NRK: variants seen among roughly 807,000 people sequenced by gnomAD.
NRK encodes nik-related protein kinase.
Under a neutral mutation model 125.2 loss-of-function variants are expected in NRK, and 67 were observed. That is an observed-to-expected ratio of 0.54 (90% CI 0.44 to 0.66). NRK has a LOEUF of 0.66. NRK is among the 30% of genes least tolerant of loss of function. The pLI, the probability that NRK is intolerant of heterozygous loss-of-function variation, is 0.00. For missense variants in NRK, 1,224 were observed against 1,192.9 expected, an observed-to-expected ratio of 1.03 and a Z score of -0.38; for synonymous variants, 458 against 429.0, an observed-to-expected ratio of 1.07 and a Z score of -0.84.
chrX:105,882,085 A>C (rs930460794), intron 4 of NRK, among the ~76,000 whole-genome samples: 2 of 110,875 alleles, frequency 1.8e-5, no homozygotes, highest in African/African-American at 3.3e-5. Context: ...AATAGCAACA[A>C]AAAAGGAGGT....
chrX:105,940,338 T>C (rs1245643673), intron 23 of NRK, among the ~76,000 whole-genome samples: 3 of 110,789 alleles, frequency 2.7e-5, no homozygotes, highest in Non-Finnish European at 5.7e-5. Flanking sequence ...CTTACTTTCT[T>C]TCCCAGTCAC....
chrX:105,828,835 C>T (rs2039149334), intron 1 of NRK, among the ~76,000 whole-genome samples: 1 of 111,747 alleles, frequency 8.9e-6, no homozygotes, highest in Admixed American at 9.5e-5. Context: ...TCTATTTTTA[C>T]TTCTTAGATC....
intron 9 of NRK, among the ~76,000 whole-genome samples, chrX:105,900,967 G>C (rs2040149432): frequency 9.0e-6 from 1 of 110,703 alleles, no homozygotes; most frequent in South Asian, 3.9e-4. Context: ...AGTAGTATTT[G>C]GTCCTGACAG....
intron 20 of NRK, among the ~76,000 whole-genome samples, chrX:105,934,823 T>A (rs893329256): frequency 1.8e-5 from 2 of 112,190 alleles, no homozygotes; most frequent in Non-Finnish European, 3.8e-5. Flanking sequence ...TTTGTTTTTT[T>A]ATTTTGAAAT....
chrX:105,847,871 A>C (rs1320774612), intron 2 of NRK, among the ~76,000 whole-genome samples: 1 of 111,776 alleles, frequency 8.9e-6, no homozygotes, highest in Non-Finnish European at 1.9e-5. Flanking sequence ...GAGGTGAGTG[A>C]CCAGGGAGTG....
At chrX:105,890,210 C>T (rs1177716392) in intron 5 of NRK, among the ~76,000 whole-genome samples, 2 of 111,729 alleles carry the variant, frequency 1.8e-5, no homozygotes, top group South Asian at 3.8e-4. Context: ...AGGTCACCTT[C>T]GCTCCAGTTC....
intron 1 of NRK, among the ~76,000 whole-genome samples, chrX:105,827,801 C>T (rs1022408356): frequency 3.6e-5 from 4 of 112,157 alleles, no homozygotes; most frequent in African/African-American, 1.3e-4. Flanking sequence ...TTCTTCTTTA[C>T]TGACCATTTT....
intron 28 of NRK, among the ~76,000 whole-genome samples, chrX:105,954,720 A>G (rs1418421418): frequency 2.7e-5 from 3 of 110,918 alleles, no homozygotes; most frequent in East Asian, 2.8e-4. Context: ...AGTCCTAACA[A>G]GGAGACATTT....
intron 17 of NRK, 105 bp downstream of exon 17, chrX:105,922,166 T>G (rs2040460298): frequency 5.2e-6 from 2 of 387,896 alleles, no homozygotes; most frequent in Non-Finnish European, 4.5e-6. Flanking sequence ...AAGAGTTTAG[T>G]TTTTTAATTA....
chrX:105,844,357 T>TCAC (rs1046627337), intron 2 of NRK, among the ~76,000 whole-genome samples: 1 of 111,081 alleles, frequency 9.0e-6, no homozygotes, highest in Non-Finnish European at 1.9e-5. Context: ...ACTGATTTCT[T>TCAC]CACCACCACC....
At chrX:105,936,240 A>G (rs932397245) in intron 21 of NRK, among the ~76,000 whole-genome samples, 1 of 111,796 alleles carries the variant, frequency 8.9e-6, no homozygotes, top group African/African-American at 3.2e-5. Context: ...AGGGTAACAA[A>G]CATTGTAATT....
intron 2 of NRK, among the ~76,000 whole-genome samples, chrX:105,848,013 A>G (rs1432076362): frequency 8.9e-6 from 1 of 112,363 alleles, no homozygotes; most frequent in Non-Finnish European, 1.9e-5. Flanking sequence ...ACCAGTATTA[A>G]AATGTTATTA....
Position 105,958,206 on chromosome X carries a change from ACTGT to A in NRK, c.*2608_*2611del, listed in dbSNP as rs1279926196. ...AAAAGGGCTGATAAGAAAATTTCTG[ACTGT>A]CAGTAGAAGTGAGATAAGATCCTCA... On this transcript the variant is annotated 3_prime_UTR_variant, in exon 29 of 29. Transcript: ENST00000243300. 1 of 112,502 alleles carries A rather than the reference ACTGT, an allele frequency of 8.9e-6. No individual in the cohort carries two copies. The highest frequency in any genetic ancestry group is 1.9e-5 in the Non-Finnish European group (1 of 53,334). The allele number at this position is 112,502 out of a possible 1,213,427, so 9.3% of individuals were successfully genotyped here.
chrX:105,912,540 T>A (rs1052490331), intron 13 of NRK, 108 bp from the exon 14 acceptor site: 1 of 223,578 alleles, frequency 4.5e-6, no homozygotes, highest in Non-Finnish European at 8.2e-6. Context: ...TTTTAAATTA[T>A]ATATTATATA....
At position 105,874,291 on chromosome X, in the gene NRK, A is replaced by C. The variant is rs151337015; in HGVS notation, c.124-5908A>C. Reference sequence around the variant, plus strand: ...CCCAAAGGCAGAGGACAGACTTATAAAACAAAAGTGGAAATCTTCAAATGC... The same window carrying C: ...CCCAAAGGCAGAGGACAGACTTATACAACAAAAGTGGAAATCTTCAAATGC... On this transcript the variant is annotated intron_variant, in intron 2 of 28. Transcript: ENST00000243300. Among the ~76,000 whole-genome samples, 683 of 112,283 alleles carry C rather than the reference A, an allele frequency of 6.1e-3. 5 individuals are homozygous for C. The highest frequency in any genetic ancestry group is 0.02 in the African/African-American group (628 of 30,960).
At chrX:105,884,841 C>G (rs924012774) in intron 4 of NRK, among the ~76,000 whole-genome samples, 1 of 112,276 alleles carries the variant, frequency 8.9e-6, no homozygotes, top group African/African-American at 3.2e-5. Context: ...AGGTCTCACT[C>G]TGTTGCCCAG....
chrX:105,935,083 A>G, intron 20 of NRK, 87 bp from the exon 21 acceptor site: 1 of 724,228 alleles, frequency 1.4e-6, no homozygotes. Flanking sequence ...CATCAGGTGC[A>G]GATTTTTCTT....
intron 2 of NRK, among the ~76,000 whole-genome samples, chrX:105,842,377 CT>C (rs1260703621): frequency 7.2e-5 from 8 of 111,421 alleles, no homozygotes; most frequent in Non-Finnish European, 1.1e-4. Context: ...GAAGTACTTA[CT>C]GTCAACCTCT....
At chrX:105,869,944 C>T (rs2039721648) in intron 2 of NRK, among the ~76,000 whole-genome samples, 1 of 109,599 alleles carries the variant, frequency 9.1e-6, no homozygotes, top group African/African-American at 3.5e-5. Context: ...TGCAATAAAG[C>T]ACTATCTGCT....
Sources: gnomAD v4.1 joint callset for allele counts (sites outside exome capture counted in the v4.1 genomes callset) on GRCh38, gnomAD v4.1.1 for gene constraint, MANE v1.5 for transcripts, NCBI Gene and HGNC (gene_info 2026-07-23, HGNC 2026-07-21) for gene names.